Variants in CRACR2A observed in about 807,000 individuals in gnomAD.
CRACR2A encodes EF-hand calcium-binding domain-containing protein 4B.
A neutral mutation model predicts 90.5 loss-of-function variants in CRACR2A; 79 were observed. The ratio of observed to expected loss-of-function variants is 0.87; its 90% CI spans 0.73 to 1.05. The LOEUF is 1.05. Ranked by LOEUF, CRACR2A falls within the 50% of genes least tolerant of loss-of-function variation. CRACR2A has a pLI of 0.00. For missense variants in CRACR2A, 823 were observed against 897.2 expected, an observed-to-expected ratio of 0.92 and a Z score of 1.06; for synonymous variants, 338 against 356.7, an observed-to-expected ratio of 0.95 and a Z score of 0.59.
chr12:3,728,690 C>G (rs150927091), intron 2 of CRACR2A: 48 of 152,376 alleles, frequency 3.2e-4, no homozygotes, highest in African/African-American at 1.1e-3. Context: ...CTTTGGGAGA[C>G]CCCCAGCCCC....
intron 3 of CRACR2A, among the ~76,000 whole-genome samples, chr12:3,708,413 G>C (rs1358413238): frequency 1.3e-5 from 2 of 152,032 alleles, no homozygotes. Flanking sequence ...TCCCCTGGAA[G>C]CATTTTCTTT....
chr12:3,718,406 G>T (rs1946109957), intron 2 of CRACR2A, among the ~76,000 whole-genome samples: 1 of 152,190 alleles, frequency 6.6e-6, no homozygotes, highest in African/African-American at 2.4e-5. Flanking sequence ...TTGCAGGGAT[G>T]CTCTTCTCCC....
At chr12:3,635,666 TG>T (rs1236757229) in intron 14 of CRACR2A, among the ~76,000 whole-genome samples, 3 of 152,114 alleles carry the variant, frequency 2.0e-5, no homozygotes, top group Non-Finnish European at 4.4e-5. Flanking sequence ...TCAACACGCC[TG>T]GCTAATTTTC....
chr12:3,637,468 C>T (rs991956482), intron 14 of CRACR2A, among the ~76,000 whole-genome samples: 13 of 152,198 alleles, frequency 8.5e-5, no homozygotes, highest in African/African-American at 3.1e-4. Flanking sequence ...ATCTTTTCTT[C>T]TTTAATTCAA....
chr12:3,666,330 C>CGTGTGTGT (rs750488682), intron 7 of CRACR2A, among the ~76,000 whole-genome samples: 6,795 of 139,554 alleles, frequency 0.049, 193 homozygotes, highest in Non-Finnish European at 0.071. Context: ...AGGACGGCTG[C>CGTGTGTGT]GTGTGTGTGT....
chr12:3,616,215 G>T (rs946588908), intron 19 of CRACR2A, among the ~76,000 whole-genome samples: 3 of 152,232 alleles, frequency 2.0e-5, no homozygotes, highest in African/African-American at 7.2e-5. Flanking sequence ...TAGAGGAGTT[G>T]TTCTGGGCTC....
chr12:3,712,598 G>C (rs140614746), intron 3 of CRACR2A, among the ~76,000 whole-genome samples: 27 of 152,230 alleles, frequency 1.8e-4, no homozygotes, highest in African/African-American at 6.0e-4. Flanking sequence ...CCATTCATGA[G>C]GATTCACCCC....
chr12:3,675,159 C>T (rs1393092274), intron 6 of CRACR2A, among the ~76,000 whole-genome samples: 1 of 152,134 alleles, frequency 6.6e-6, no homozygotes, highest in East Asian at 1.9e-4. Flanking sequence ...CCCCAGGAAT[C>T]CTCAGGATAA....
chr12:3,723,108 T>G (rs1017982424), intron 2 of CRACR2A, among the ~76,000 whole-genome samples: 1 of 152,206 alleles, frequency 6.6e-6, no homozygotes, highest in African/African-American at 2.4e-5. Context: ...GAACATCTAT[T>G]ACTCCTGCTG....
At chr12:3,627,778 G>C (rs1944294265) in intron 15 of CRACR2A, 72 bp from the exon 16 acceptor site, 1 of 1,404,546 alleles carries the variant, frequency 7.1e-7, no homozygotes, top group Non-Finnish European at 9.9e-7. Flanking sequence ...AGGAAACAAT[G>C]CTTCCAACAT....
chr12:3,674,723 C>T lies in CRACR2A; in HGVS notation c.525-1131G>A, dbSNP rs925634250. Among the ~76,000 whole-genome samples, 3 of 152,188 alleles carry T rather than the reference C, an allele frequency of 2.0e-5. No homozygotes were observed. In the South Asian group the frequency reaches 6.2e-4, roughly 32 times the overall value. Reference sequence around the variant, plus strand: ...AAATCTTATCCCGCAAACAATCAGGCTTTTGATTTTTTTAAATTAATGGGC... The same window carrying T: ...AAATCTTATCCCGCAAACAATCAGGTTTTTGATTTTTTTAAATTAATGGGC... On this transcript the variant is annotated intron_variant, in intron 6 of 19. Coordinates refer to ENST00000440314, the MANE Select transcript of CRACR2A (RefSeq NM_001144958.2).
At chr12:3,726,810 C>A (rs946692419) in intron 2 of CRACR2A, 1 of 149,378 alleles carries the variant, frequency 6.7e-6, no homozygotes, top group African/African-American at 2.5e-5. Context: ...TGTGTTGAGG[C>A]ATATATTCGG....
rs372609989 is a variant in CRACR2A at position 3,616,755 on chromosome 12, T to C, written c.2111+199A>G. Reference sequence around the variant, plus strand: ...AGGGATGCTTTCTTTCCCAACATCATTGTTTCAGAAAGCTGCTCCTGATGT... The same window carrying C: ...AGGGATGCTTTCTTTCCCAACATCACTGTTTCAGAAAGCTGCTCCTGATGT... On this transcript the variant is annotated intron_variant, in intron 19 of 19. Transcript: ENST00000440314. Among the ~76,000 whole-genome samples, 37 of 152,344 alleles carry C rather than the reference T, an allele frequency of 2.4e-4. 2 individuals are homozygous for C. Among genetic ancestry groups the C allele is most frequent in the African/African-American group, 8.4e-4 (35 of 41,574 alleles).
intron 1 of CRACR2A, among the ~76,000 whole-genome samples, chr12:3,742,387 G>T (rs1294986549): frequency 6.6e-6 from 1 of 152,196 alleles, no homozygotes; most frequent in Admixed American, 6.5e-5. Flanking sequence ...ATGGGACATA[G>T]TCCACATCAT....
chr12:3,666,475 G>T (rs1033951081), intron 7 of CRACR2A, among the ~76,000 whole-genome samples: 25 of 152,120 alleles, frequency 1.6e-4, no homozygotes, highest in African/African-American at 5.8e-4. Flanking sequence ...TAGGGGTGAA[G>T]AATTCATTAT....
At chr12:3,701,910 A>AT (rs1407166723) in intron 3 of CRACR2A, among the ~76,000 whole-genome samples, 1 of 152,190 alleles carries the variant, frequency 6.6e-6, no homozygotes, top group East Asian at 1.9e-4. Flanking sequence ...AGATGTAATC[A>AT]TTCTTCAGGA....
chr12:3,710,228 G>A (rs958212739), intron 3 of CRACR2A, among the ~76,000 whole-genome samples: 70 of 151,980 alleles, frequency 4.6e-4, no homozygotes, highest in Admixed American at 4.6e-3. Flanking sequence ...CAGCTTTTTT[G>A]TGCCTCAGCA....
At chr12:3,615,928 T>C (rs1477122415) in intron 19 of CRACR2A, among the ~76,000 whole-genome samples, 4 of 152,264 alleles carry the variant, frequency 2.6e-5, no homozygotes, top group Non-Finnish European at 5.9e-5. Context: ...GGCTGTGCCA[T>C]GTGGCCACAG....
intron 4 of CRACR2A, among the ~76,000 whole-genome samples, chr12:3,682,748 T>C (rs2137629147): frequency 6.6e-6 from 1 of 152,246 alleles, no homozygotes; most frequent in Admixed American, 6.5e-5. Context: ...TATTCTGGTA[T>C]GGTCCCCTGG....
Sources: gnomAD v4.1 joint callset for allele counts (sites outside exome capture counted in the v4.1 genomes callset) on GRCh38, gnomAD v4.1.1 for gene constraint, MANE v1.5 for transcripts, NCBI Gene and HGNC (gene_info 2026-07-23, HGNC 2026-07-21) for gene names.